Variants in MOGAT2 observed in about 807,000 individuals in gnomAD.
The protein encoded by MOGAT2 is 2-acylglycerol O-acyltransferase 2.
MOGAT2 carries 27 observed loss-of-function variants against 31.5 expected under a neutral mutation model. That is an observed-to-expected ratio of 0.86 (90% CI 0.63 to 1.18). MOGAT2 has a LOEUF of 1.18. MOGAT2 is among the 50% of genes most tolerant of loss of function. The probability of loss-of-function intolerance (pLI) is 0.00; values close to 1 mark genes in which losing one functional copy is unlikely to be tolerated. For synonymous variants in MOGAT2, 163 were observed against 170.0 expected (o/e 0.96, Z 0.32); for missense variants, 436 against 433.2 (o/e 1.01, Z -0.06).
chr11:75,723,497 A>C (rs958672304), intron 2 of MOGAT2, among the ~76,000 whole-genome samples: 1 of 139,770 alleles, frequency 7.2e-6, no homozygotes, highest in Non-Finnish European at 1.5e-5. Context: ...TCATGGGGTG[A>C]AGAGACAGTA....
Position 75,728,916 on chromosome 11 carries a change from A to G in MOGAT2, c.777A>G (p.Pro259=), listed in dbSNP as rs1944447477. The G allele has an allele frequency of 6.2e-7, 1 of 1,613,558 alleles. No individual in the cohort carries two copies. The highest frequency in any genetic ancestry group is 8.5e-7 in the Non-Finnish European group (1 of 1,179,902). The change falls in exon 5 of 6, where the codon CCA becomes CCG. Residue 259 remains proline, a synonymous_variant. Coordinates refer to ENST00000198801, the MANE Select transcript of MOGAT2 (RefSeq NM_025098.4). ...RLQKIMGISL[P]LFHGRGVFQY... ...AGAAGATCATGGGCATCTCCCTCCCACTCTTTCATGGCCGTGGTGTCTTCC... is the reference window on the plus strand; with the variant it reads ...AGAAGATCATGGGCATCTCCCTCCCGCTCTTTCATGGCCGTGGTGTCTTCC...
rs1394635403 is a variant in MOGAT2 at position 75,728,967 on chromosome 11, C to T, written c.828C>T (p.Tyr276=). 6.2e-7 allele frequency: 1 copy of T among 1,613,932 alleles called. No homozygotes were observed. The highest frequency in any genetic ancestry group is 1.7e-5 in the Admixed American group (1 of 60,026). Residue 276 remains tyrosine (Y), a synonymous_variant, in exon 5 of 6, where the codon TAC becomes TAT. Transcript: ENST00000198801. ...AGTACAGCTTTGGTTTAATACCCTACCGCCGGCCCATCACCACTGTGGGTA... is the reference window on the plus strand; with the variant it reads ...AGTACAGCTTTGGTTTAATACCCTATCGCCGGCCCATCACCACTGTGGGTA... ...VFQYSFGLIP[Y]RRPITTVVGK... is the part of the protein sequence containing the mutation.
chr11:75,727,037 T>C (rs12279237), intron 2 of MOGAT2, among the ~76,000 whole-genome samples: 9,831 of 152,208 alleles, frequency 0.065, 1,031 homozygotes, highest in African/African-American at 0.22. Flanking sequence ...TGGCGGTGCC[T>C]CCATGTGGCC....
rs774589634 is a variant in MOGAT2, at chr11:75,728,179, G to T, written c.650+35G>T. The T allele has an allele frequency of 3.8e-6, 6 of 1,597,790 alleles. No homozygotes were observed. In the Admixed American group the frequency reaches 1.0e-4, roughly 28 times the overall value. The stretch of plus-strand genomic sequence containing the variant: ...CTCTGGGAAGAGCACTCTGGGTTCA[G>T]TTGGCAATTGGCAAGGATTTTATTT... On this transcript the variant is annotated intron_variant, in intron 4 of 5. Transcript: ENST00000198801.
intron 3 of MOGAT2, 101 bp downstream of exon 3, chr11:75,727,740 G>A (rs1944434470): frequency 3.1e-6 from 4 of 1,279,166 alleles, no homozygotes; most frequent in Non-Finnish European, 4.4e-6. Context: ...AGTAGGAGAA[G>A]GAGGCTAGGC....
intron 2 of MOGAT2, among the ~76,000 whole-genome samples, chr11:75,724,247 C>T (rs1944400353): frequency 6.6e-6 from 1 of 152,242 alleles, no homozygotes; most frequent in Non-Finnish European, 1.5e-5. Flanking sequence ...TTCCTTCATG[C>T]TATACCCTTT....
intron 2 of MOGAT2, 25 bp downstream of exon 2, chr11:75,720,195 TG>T (rs1470647698): frequency 6.3e-7 from 1 of 1,598,402 alleles, no homozygotes; most frequent in South Asian, 1.1e-5. Flanking sequence ...TGGTTGGGGT[TG>T]GGGAGGGAGT....
rs771218014 is a variant in MOGAT2 at position 75,720,098 on chromosome 11, G to A, written c.198G>A (p.Gln66=). Residue 66 remains glutamine (Q), a synonymous_variant, in exon 2 of 6, where the codon CAG becomes CAA. Coordinates refer to ENST00000198801, the MANE Select transcript of MOGAT2 (RefSeq NM_025098.4). The stretch of plus-strand genomic sequence containing the variant: ...ATCTGGACCGAGACAAGCCACGGCA[G>A]GGGGGCCGGCACATCCAGGCCATCA... ...WWYLDRDKPR[Q]GGRHIQAIRC... is the part of the protein sequence containing the mutation. 3 of 1,614,154 alleles carry A rather than the reference G, an allele frequency of 1.9e-6. No individual in the cohort carries two copies. Among genetic ancestry groups the A allele is most frequent in the Non-Finnish European group, 1.7e-6 (2 of 1,180,026 alleles).
chr11:75,720,681 G>T (rs1182119210), intron 2 of MOGAT2, among the ~76,000 whole-genome samples: 1 of 152,114 alleles, frequency 6.6e-6, no homozygotes, highest in Non-Finnish European at 1.5e-5. Flanking sequence ...GCCCTGAATT[G>T]TTCTCAGATC....
At chr11:75,720,264 G>GC (rs1347052962) in intron 2 of MOGAT2, 94 bp downstream of exon 2, 1 of 1,389,436 alleles carries the variant, frequency 7.2e-7, no homozygotes, top group African/African-American at 1.4e-5. Flanking sequence ...ATATGGCCCT[G>GC]CATGCACTGA....
rs186182361 is a variant in MOGAT2 at position 75,718,188 on chromosome 11, T to C, written c.91+209T>C. Among the ~76,000 whole-genome samples, 8 of 152,280 alleles carry C rather than the reference T, an allele frequency of 5.3e-5. No homozygotes were observed. The East Asian group carries it at 1.5e-3, about 29-fold the overall frequency. ...TGGGGTAGAAGTCACCGTCTGCTGC[T>C]CTGGGCAGGTTACTTACTCTTCCTG... is the stretch of plus-strand genomic sequence containing the variant. On this transcript the variant is annotated intron_variant, in intron 1 of 5. Coordinates refer to ENST00000198801, the MANE Select transcript of MOGAT2 (RefSeq NM_025098.4).
At chr11:75,731,055 A>T (rs994808453) in intron 5 of MOGAT2, 77 bp from the exon 6 acceptor site, 1 of 1,360,210 alleles carries the variant, frequency 7.4e-7, no homozygotes, top group African/African-American at 1.5e-5. Flanking sequence ...TTCTGCAGGG[A>T]TGAACCATGG....
Position 75,720,097 on chromosome 11 carries a change from A to C in MOGAT2, c.197A>C (p.Gln66Pro), listed in dbSNP as rs1193976071. 1 of 1,614,056 alleles carries C rather than the reference A, an allele frequency of 6.2e-7. No homozygotes were observed. The highest frequency in any genetic ancestry group is 1.3e-5 in the African/African-American group (1 of 75,000). The change falls in exon 2 of 6, where the codon CAG becomes CCG. Residue 66 changes from glutamine to proline, a missense_variant. Physicochemically the swap from Gln to Pro is moderately conservative, Grantham distance 76. Coordinates refer to ENST00000198801, the MANE Select transcript of MOGAT2 (RefSeq NM_025098.4). ...WWYLDRDKPR[Q>P]GGRHIQAIRC... is the part of the protein sequence containing the mutation. The stretch of plus-strand genomic sequence containing the variant: ...TATCTGGACCGAGACAAGCCACGGC[A>C]GGGGGGCCGGCACATCCAGGCCATC...
Position 75,727,116 on chromosome 11 carries a change from C to G in MOGAT2, c.271-319C>G, listed in dbSNP as rs542408290. ...TAAATAATTCTAGGCACCATCATAC[C>G]TGAGTTTCTCAGTAGCCCTAGGAGG... On this transcript the variant is annotated intron_variant, in intron 2 of 5. Transcript: ENST00000198801. Among the ~76,000 whole-genome samples the G allele has an allele frequency of 3.0e-4, 45 of 152,222 alleles. 1 individual carries two copies. The highest frequency in any genetic ancestry group is 1.0e-3 in the African/African-American group (43 of 41,514).
At chr11:75,725,200 G>A (rs1264762580) in intron 2 of MOGAT2, among the ~76,000 whole-genome samples, 1 of 152,144 alleles carries the variant, frequency 6.6e-6, no homozygotes, top group Admixed American at 6.5e-5. Context: ...CCTCCCACTA[G>A]CAGTGAATGA....
At chr11:75,726,050 TG>T (rs1944418952) in intron 2 of MOGAT2, among the ~76,000 whole-genome samples, 1 of 152,228 alleles carries the variant, frequency 6.6e-6, no homozygotes, top group Non-Finnish European at 1.5e-5. Context: ...GAGCAGCATT[TG>T]TTAACTGCAT....
At position 75,731,365 on chromosome 11, in the gene MOGAT2, A is replaced by T. The variant is rs1944478177; in HGVS notation, c.*79A>T. 3 of 1,499,142 alleles carry T rather than the reference A, an allele frequency of 2.0e-6. No homozygotes were observed. The highest frequency in any genetic ancestry group is 2.5e-5 in the South Asian group (2 of 80,974). 92.9% of individuals were successfully genotyped at this position (1,499,142 alleles called of 1,614,324 possible). A position where few individuals can be genotyped will look rare whatever the true frequency, so the allele number is the denominator to read the frequency against. On this transcript the variant is annotated 3_prime_UTR_variant, in exon 6 of 6. Coordinates refer to ENST00000198801, the MANE Select transcript of MOGAT2 (RefSeq NM_025098.4). ...AAGACTTCCTGGAGGTGTTTGTTGA[A>T]CATATCTGCAGAGCCTTCCCAGACT... is the stretch of plus-strand genomic sequence containing the variant.
intron 4 of MOGAT2, 41 bp downstream of exon 4, chr11:75,728,185 A>T (rs775166448): frequency 6.3e-7 from 1 of 1,590,036 alleles, no homozygotes. Flanking sequence ...TTCAGTTGGC[A>T]ATTGGCAAGG....
chr11:75,726,873 A>G (rs1161414837), intron 2 of MOGAT2, among the ~76,000 whole-genome samples: 2 of 151,722 alleles, frequency 1.3e-5, no homozygotes, highest in Non-Finnish European at 2.9e-5. Flanking sequence ...TAATTTTTGT[A>G]TTTTTAGTAG....
Sources: allele counts gnomAD v4.1 joint callset (sites outside exome capture counted in the v4.1 genomes callset), GRCh38; gene constraint gnomAD v4.1.1; transcripts MANE v1.5; gene names NCBI Gene and HGNC (gene_info 2026-07-23, HGNC 2026-07-21).